Variants in JAK3 observed in about 807,000 individuals in gnomAD.
JAK3 encodes the protein Janus kinase 3.
In JAK3, 88 loss-of-function variants were observed where a neutral mutation model predicts 120.8. The ratio of observed to expected loss-of-function variants is 0.73; its 90% CI spans 0.61 to 0.87. The LOEUF is 0.87. JAK3 is among the 40% of genes least tolerant of loss of function. The pLI is 0.00. For synonymous variants in JAK3, 592 were observed against 628.6 expected (o/e 0.94, Z 0.87); for missense variants, 1,254 against 1,501.4 (o/e 0.84, Z 2.72).
chr19:17,833,858 T>C (rs545658071), intron 17 of JAK3, among the ~76,000 whole-genome samples: 1 of 151,830 alleles, frequency 6.6e-6, no homozygotes, highest in East Asian at 2.0e-4. Context: ...GTCTCAAAAA[T>C]ATAAAATAAA....
In JAK3 at chr19:17,829,914, A is replaced by C. The variant is rs1288166703; in HGVS notation, c.3207+194T>G. The C allele has an allele frequency of 2.0e-5, 13 of 642,254 alleles. No individual in the cohort carries two copies. The East Asian group carries it at 3.6e-4, about 18-fold the overall frequency. 39.8% of individuals were successfully genotyped at this position (642,254 alleles called of 1,614,324 possible). On this transcript the variant is annotated intron_variant, in intron 23 of 23. Transcript: ENST00000458235. Reference sequence around the variant, plus strand: ...GGCATTACTATTCTCATTTTGGAAAAGGGTAAACTGAGGCTCTGAAAGTGC... The same window carrying C: ...GGCATTACTATTCTCATTTTGGAAACGGGTAAACTGAGGCTCTGAAAGTGC...
chr19:17,837,321 C>A, intron 12 of JAK3, 108 bp from the exon 13 acceptor site: 1 of 830,554 alleles, frequency 1.2e-6, no homozygotes, highest in Non-Finnish European at 2.0e-6. Context: ...CCACAGGTCA[C>A]CTTTGGCCCT....
In JAK3 at chr19:17,843,035, CT is replaced by C; in HGVS notation, c.557del (p.Lys186ArgfsTer16). The C allele has an allele frequency of 6.2e-7, 1 of 1,610,624 alleles. No homozygotes were observed. The highest frequency in any genetic ancestry group is 1.7e-5 in the Admixed American group (1 of 60,014). On this transcript the variant is annotated frameshift_variant, in exon 5 of 24. Coordinates refer to ENST00000458235, the MANE Select transcript of JAK3 (RefSeq NM_000215.4). LOFTEE classifies it high-confidence loss of function. This position sits in a 1 kb window ranked among gnomAD's most constrained non-coding sequence, Gnocchi z 5.4. ...AGCCTGGTGGCTCTCACCTGACAGT[CT>C]TCAGCAGCTCTCCCGGCCGCTGGGC... The part of the protein sequence containing the change: ...EQAQRPGELL[K>X]TVSYKACLPP...
At position 17,826,865 on chromosome 19, in the gene JAK3, G is replaced by T. The variant is rs1265005806; in HGVS notation, c.3253C>A (p.Arg1085=). 1 of 1,613,494 alleles carries T rather than the reference G, an allele frequency of 6.2e-7. No individual in the cohort carries two copies. Among genetic ancestry groups the T allele is most frequent in the East Asian group, 2.2e-5 (1 of 44,882 alleles). ...GGGCCCAGGGCGCTGAATGATGGCC[G>T]GTCCTGTGGGCTAGGGGCCCAGCAC... ...KLCWAPSPQD[R]PSFSALGPQL... Residue 1085 remains arginine, a synonymous_variant, in exon 24 of 24, where the codon CGG becomes AGG. Coordinates refer to ENST00000458235, the MANE Select transcript of JAK3 (RefSeq NM_000215.4).
At chr19:17,827,638 C>T (rs1048983887) in intron 23 of JAK3, among the ~76,000 whole-genome samples, 2 of 148,270 alleles carry the variant, frequency 1.3e-5, no homozygotes, top group Admixed American at 6.9e-5. Context: ...TGAGCCACCG[C>T]GCCCAGCCCT....
chr19:17,826,371 C>T lies in JAK3; in HGVS notation c.*372G>A, dbSNP rs201553526. ...CTGCACTCCACCCTGGGTAACAGAG[C>T]GAGGCTCTGTCTCAAAAATAAAAAT... is the stretch of plus-strand genomic sequence containing the variant. On this transcript the variant is annotated 3_prime_UTR_variant, in exon 24 of 24. Transcript: ENST00000458235. 9.6e-5 allele frequency: 27 copies of T among 281,144 alleles called. No homozygotes were observed. Among genetic ancestry groups the T allele is most frequent in the East Asian group, 3.9e-4 (7 of 18,064 alleles). The allele number at this position is 281,144 out of a possible 1,614,324, so 17.4% of individuals were successfully genotyped here.
In JAK3 at chr19:17,826,928, G is replaced by A. The variant is rs768777773; in HGVS notation, c.3208-18C>T. 1 of 1,604,154 alleles carries A rather than the reference G, an allele frequency of 6.2e-7. No homozygotes were observed. Among genetic ancestry groups the A allele is most frequent in the South Asian group, 1.1e-5 (1 of 91,042 alleles). On this transcript the variant is annotated intron_variant, in intron 23 of 23. Coordinates refer to ENST00000458235, the MANE Select transcript of JAK3 (RefSeq NM_000215.4). ...TCGTGAACCTGAGGGGCGGGGGACA[G>A]ATAATGGGGTCGTGCCTGAGCAGTC...
intron 1 of JAK3, among the ~76,000 whole-genome samples, chr19:17,846,285 TGTGCCG>T (rs2094252028): frequency 6.6e-6 from 1 of 152,176 alleles, no homozygotes; most frequent in South Asian, 2.1e-4. Flanking sequence ...TTCTTGATGA[TGTGCCG>T]GTAAGCGATC....
At chr19:17,829,533 G>A (rs2094209869) in intron 23 of JAK3, among the ~76,000 whole-genome samples, 2 of 152,104 alleles carry the variant, frequency 1.3e-5, no homozygotes, top group Admixed American at 6.6e-5. Context: ...TGAGGCAGGA[G>A]AATCGCTTGA....
intron 10 of JAK3, chr19:17,839,155 T>C (rs2094231506): frequency 2.1e-6 from 1 of 475,910 alleles, no homozygotes; most frequent in Non-Finnish European, 4.1e-6. Context: ...CTACCAGGGA[T>C]TCTGGGAGAC....
rs938735515 is a variant in JAK3 at position 17,843,308 on chromosome 19, G to C, written c.420+72C>G. 2 of 1,516,796 alleles carry C rather than the reference G, an allele frequency of 1.3e-6. No individual in the cohort carries two copies. The highest frequency in any genetic ancestry group is 2.0e-5 in the Admixed American group (1 of 51,060). The allele number at this position is 1,516,796 out of a possible 1,614,324, so 94.0% of individuals were successfully genotyped here. ...GGGAGGGTCAGACGAGGCCCCACCT[G>C]ATTGCATGCCAGTCCTCATGTTGCC... On this transcript the variant is annotated intron_variant, in intron 4 of 23. Coordinates refer to ENST00000458235, the MANE Select transcript of JAK3 (RefSeq NM_000215.4). This position sits in a 1 kb window ranked among gnomAD's most constrained non-coding sequence, Gnocchi z 5.4.
In JAK3 at chr19:17,843,641, C is replaced by A; in HGVS notation, c.308+136G>T. 1 of 1,314,478 alleles carries A rather than the reference C, an allele frequency of 7.6e-7. No homozygotes were observed. Among genetic ancestry groups the A allele is most frequent in the Non-Finnish European group, 1.1e-6 (1 of 909,406 alleles). The allele number at this position is 1,314,478 out of a possible 1,614,324, so 81.4% of individuals were successfully genotyped here. A position where few individuals can be genotyped will look rare whatever the true frequency, so the allele number is the denominator to read the frequency against. On this transcript the variant is annotated intron_variant, in intron 3 of 23. Coordinates refer to ENST00000458235, the MANE Select transcript of JAK3 (RefSeq NM_000215.4). The surrounding 1 kb of genome is among the most constrained non-coding windows in gnomAD (Gnocchi z 5.4). ...TGCTGTGTGACCTTGGGCAAGTGACCCACCCTCTCTGGTCTGTTTCCTCAT... is the reference window on the plus strand; with the variant it reads ...TGCTGTGTGACCTTGGGCAAGTGACACACCCTCTCTGGTCTGTTTCCTCAT...
rs534968482 is a variant in JAK3 at position 17,825,551 on chromosome 19, C to T, written c.*1192G>A. On this transcript the variant is annotated 3_prime_UTR_variant, in exon 24 of 24. Coordinates refer to ENST00000458235, the MANE Select transcript of JAK3 (RefSeq NM_000215.4). ...TCCCAGCCACAGCAACTGCTCTTGT[C>T]CTTGGCTTCCTCCAGAGAAACAGAG... The T allele has an allele frequency of 5.0e-5, 10 of 198,248 alleles. No individual in the cohort carries two copies. Among genetic ancestry groups the T allele is most frequent in the African/African-American group, 2.3e-4 (10 of 43,376 alleles). The allele number at this position is 198,248 out of a possible 1,614,324, so 12.3% of individuals were successfully genotyped here.
intron 1 of JAK3, among the ~76,000 whole-genome samples, chr19:17,844,906 C>T (rs543195594): frequency 4.5e-4 from 68 of 152,222 alleles, no homozygotes; most frequent in Non-Finnish European, 7.4e-4. Flanking sequence ...ACCTCCCACC[C>T]GCTCGCTCAC....
Position 17,841,631 on chromosome 19 carries a change from T to TG in JAK3, c.984+8dup. ...GTAAGGCTGAAGGGGAGGGGAATCC[T>TG]GCACCCACTAAAATCTGGTTGTCTG... On this transcript the variant is annotated intron_variant, in intron 7 of 23. Coordinates refer to ENST00000458235, the MANE Select transcript of JAK3 (RefSeq NM_000215.4). This position sits in a 1 kb window ranked among gnomAD's most constrained non-coding sequence, Gnocchi z 4.1. 6.2e-7 allele frequency: 1 copy of TG among 1,613,876 alleles called. No individual in the cohort carries two copies.
In JAK3 at chr19:17,841,650, TTGTC is replaced by T. The variant is rs1333361833; in HGVS notation, c.970_973del (p.Asp324ThrfsTer4). 4.3e-6 allele frequency: 7 copies of T among 1,613,754 alleles called. No homozygotes were observed. Among genetic ancestry groups the T allele is most frequent in the Non-Finnish European group, 4.2e-6 (5 of 1,179,928 alleles). ...GAATCCTGCACCCACTAAAATCTGG[TTGTC>T]TGTCCTGGTAACAGTGACCAGGCGG... On this transcript the variant is annotated frameshift_variant, in exon 7 of 24. Coordinates refer to ENST00000458235, the MANE Select transcript of JAK3 (RefSeq NM_000215.4). LOFTEE classifies it high-confidence loss of function. The surrounding 1 kb of genome is among the most constrained non-coding windows in gnomAD (Gnocchi z 4.1).
At position 17,831,729 on chromosome 19, in the gene JAK3, T is replaced by G. The variant is rs758757876; in HGVS notation, c.2750A>C (p.His917Pro). The G allele has an allele frequency of 6.2e-7, 1 of 1,612,110 alleles. No homozygotes were observed. Among genetic ancestry groups the G allele is most frequent in the Non-Finnish European group, 8.5e-7 (1 of 1,179,674 alleles). Residue 917 changes from histidine to proline, a missense_variant, in exon 20 of 24, where the codon CAC becomes CCC. This residue lies in a region of JAK3 where 630 missense variants were observed against 819.8 expected (regional missense o/e 0.77). Coordinates refer to ENST00000458235, the MANE Select transcript of JAK3 (RefSeq NM_000215.4). This position sits in a 1 kb window ranked among gnomAD's most constrained non-coding sequence, Gnocchi z 5.1. ...SGCLRDFLQR[H>P]RARLDASRLL... ...GCGGCTGGCATCGAGGCGCGCGCGG[T>G]GCCGCTGCAGGAAGTCGCGCAAGCA...
At position 17,843,072 on chromosome 19, in the gene JAK3, G is replaced by C; in HGVS notation, c.521C>G (p.Ala174Gly). ...TCCCGGCCGCTGGGCCTGCTCTCGC[G>C]CCATCCGGGCCAGGTCCAACACGGC... Reference protein sequence around the residue: ...SLAVLDLARMAREQAQRPGEL... With the variant: ...SLAVLDLARMGREQAQRPGEL... The change falls in exon 5 of 24, where the codon GCG becomes GGG. Residue 174 changes from alanine to glycine, a missense_variant. Ala to Gly is a moderately conservative substitution (Grantham distance 60). Coordinates refer to ENST00000458235, the MANE Select transcript of JAK3 (RefSeq NM_000215.4). The surrounding 1 kb of genome is among the most constrained non-coding windows in gnomAD (Gnocchi z 5.4). 6.2e-7 allele frequency: 1 copy of C among 1,610,580 alleles called. No individual in the cohort carries two copies. Among genetic ancestry groups the C allele is most frequent in the Non-Finnish European group, 8.5e-7 (1 of 1,179,930 alleles).
Position 17,842,588 on chromosome 19 carries a change from T to G in JAK3, c.589A>C (p.Ser197Arg). 6.3e-7 allele frequency: 1 copy of G among 1,583,136 alleles called. No homozygotes were observed. The highest frequency in any genetic ancestry group is 8.6e-7 in the Non-Finnish European group (1 of 1,163,820). Residue 197 changes from serine to arginine, a missense_variant, in exon 6 of 24, where the codon AGC becomes CGC. By Grantham distance (110) the Ser-to-Arg change is moderately radical (BLOSUM62 -1). Coordinates refer to ENST00000458235, the MANE Select transcript of JAK3 (RefSeq NM_000215.4). The surrounding 1 kb of genome is among the most constrained non-coding windows in gnomAD (Gnocchi z 6.4). ...TVSYKACLPP[S>R]LRDLIQGLSF... is the part of the protein sequence containing the mutation. ...AGGCCCTGGATCAGGTCGCGCAGGC[T>G]TGGGGGTAGGCAGGCCTTGTAGCTG... is the stretch of plus-strand genomic sequence containing the variant.
Sources: gnomAD v4.1 joint callset for allele counts (sites outside exome capture counted in the v4.1 genomes callset) on GRCh38, gnomAD v4.1.1 for gene constraint, gnomAD v4.1.1 regional missense constraint, Gnocchi (gnomAD v3.1) non-coding constraint, MANE v1.5 for transcripts, NCBI Gene and HGNC (gene_info 2026-07-23, HGNC 2026-07-21) for gene names.